Variants in DNAAF9 observed in about 807,000 individuals in gnomAD.
DNAAF9 encodes the protein shulin.
Under a neutral mutation model 167.0 loss-of-function variants are expected in DNAAF9, and 90 were observed. The observed-to-expected ratio is 0.54, with a 90% CI of 0.45 to 0.64. DNAAF9 has a LOEUF of 0.64. Among genes scored for constraint, DNAAF9 ranks in the 30% least tolerant of loss-of-function variants. DNAAF9 has a pLI of 0.00. For synonymous variants in DNAAF9, 491 were observed against 508.8 expected (o/e 0.96, Z 0.47); for missense variants, 1,315 against 1,442.2 (o/e 0.91, Z 1.43).
chr20:3,295,478 CT>C (rs33916484), intron 23 of DNAAF9: 9,630 of 245,406 alleles, frequency 0.039, 1 homozygote, highest in Middle Eastern at 0.085. Context: ...TGCGCCTGAC[CT>C]TTTTTTTTTT....
At chr20:3,324,111 G>A (rs2069668737) in intron 14 of DNAAF9, among the ~76,000 whole-genome samples, 1 of 152,292 alleles carries the variant, frequency 6.6e-6, no homozygotes, top group Non-Finnish European at 1.5e-5. Context: ...GCACCACAGA[G>A]TTCTGGCTCT....
At chr20:3,304,351 T>C (rs889410616) in intron 21 of DNAAF9, 89 bp downstream of exon 21, 36 of 743,172 alleles carry the variant, frequency 4.8e-5, no homozygotes, top group South Asian at 1.2e-4. Flanking sequence ...CCTGTGGTAG[T>C]GGAGGGGAGA....
chr20:3,340,456 C>CCCCCCCA, intron 10 of DNAAF9, 48 bp downstream of exon 10: 6 of 1,152,354 alleles, frequency 5.2e-6, no homozygotes, highest in Non-Finnish European at 5.9e-6. Context: ...CCCACCCCCA[C>CCCCCCCA]AACTTGATAA....
intron 1 of DNAAF9, among the ~76,000 whole-genome samples, chr20:3,392,355 C>T (rs1253332948): frequency 1.3e-5 from 2 of 152,140 alleles, no homozygotes; most frequent in African/African-American, 4.8e-5. Flanking sequence ...CATATTATAA[C>T]TTATTTCTTA....
chr20:3,377,110 G>A (rs958597137), intron 3 of DNAAF9, among the ~76,000 whole-genome samples: 1 of 152,148 alleles, frequency 6.6e-6, no homozygotes, highest in Admixed American at 6.6e-5. Context: ...GGAATCAACA[G>A]AATGTCTGGG....
intron 1 of DNAAF9, among the ~76,000 whole-genome samples, chr20:3,390,206 T>C (rs928115826): frequency 6.6e-6 from 1 of 152,158 alleles, no homozygotes; most frequent in African/African-American, 2.4e-5. Context: ...TAAGGAAATA[T>C]TTAGAAGTGA....
intron 20 of DNAAF9, among the ~76,000 whole-genome samples, chr20:3,310,819 A>T (rs914673798): frequency 6.6e-6 from 1 of 152,214 alleles, no homozygotes; most frequent in Admixed American, 6.5e-5. Flanking sequence ...GTTCACTAAT[A>T]ATAAGAGAAA....
rs1185017681 is a variant in DNAAF9 at position 3,252,645 on chromosome 20, T to G, written c.3461A>C (p.Asn1154Thr). 1 of 1,612,772 alleles carries G rather than the reference T, an allele frequency of 6.2e-7. No individual in the cohort carries two copies. Among genetic ancestry groups the G allele is most frequent in the East Asian group, 2.2e-5 (1 of 44,868 alleles). The change falls in exon 37 of 37, where the codon AAC becomes ACC. Residue 1154 changes from asparagine (N) to threonine (T), a missense_variant. By Grantham distance (65) the Asn-to-Thr change is moderately conservative. Transcript: ENST00000252032. ...CTGGTTATACTTCTCAATTTCCCGG[T>G]TGGCTTCTTCCACGTAGTCATTCAT... ...QFMNDYVEEA[N>T]REIEKYNQEL...
Position 3,255,880 on chromosome 20 carries a change from G to T in DNAAF9, c.3261+126C>A, listed in dbSNP as rs1040434265. ...CAAAGTGTCCCTGCAAGTGCTGGCT[G>T]GGCCAGGGAGAGGAAGCCCAGTGGG... On this transcript the variant is annotated intron_variant, in intron 34 of 36. Coordinates refer to ENST00000252032, the MANE Select transcript of DNAAF9 (RefSeq NM_001009984.3). 5 of 695,806 alleles carry T rather than the reference G, an allele frequency of 7.2e-6. 1 individual carries two copies. The highest frequency in any genetic ancestry group is 7.1e-5 in the South Asian group (4 of 56,340). 43.1% of individuals were successfully genotyped at this position (695,806 alleles called of 1,614,324 possible). A position where few individuals can be genotyped will look rare whatever the true frequency, so the allele number is the denominator to read the frequency against.
chr20:3,379,787 G>C (rs763151876), intron 3 of DNAAF9, among the ~76,000 whole-genome samples: 1 of 152,132 alleles, frequency 6.6e-6, no homozygotes. Context: ...CAGGCCAGGC[G>C]TGGTGGCTCA....
At chr20:3,271,908 C>T (rs756918318) in intron 29 of DNAAF9, among the ~76,000 whole-genome samples, 9 of 151,946 alleles carry the variant, frequency 5.9e-5, no homozygotes, top group African/African-American at 1.9e-4. Flanking sequence ...TGTGAGCCAC[C>T]GCACCCAGCT....
In DNAAF9 at chr20:3,252,456, A is replaced by T; in HGVS notation, c.*116T>A. The T allele has an allele frequency of 4.3e-6, 3 of 689,908 alleles. No individual in the cohort carries two copies. In the East Asian group the frequency reaches 7.6e-5, roughly 17 times the overall value. The allele number at this position is 689,908 out of a possible 1,614,324, so 42.7% of individuals were successfully genotyped here. On this transcript the variant is annotated 3_prime_UTR_variant, in exon 37 of 37. Transcript: ENST00000252032. Reference sequence around the variant, plus strand: ...GCACTCAAGCCAGCCCACACAGGCCAAGGAGAACAAAGACAGCCCCTTAAG... The same window carrying T: ...GCACTCAAGCCAGCCCACACAGGCCTAGGAGAACAAAGACAGCCCCTTAAG...
Position 3,320,724 on chromosome 20 carries a change from G to A in DNAAF9, c.1356+1493C>T, listed in dbSNP as rs539232488. Among the ~76,000 whole-genome samples the A allele has an allele frequency of 9.9e-5, 15 of 152,262 alleles. No individual in the cohort carries two copies. The South Asian group carries it at 2.7e-3, about 27-fold the overall frequency. The stretch of plus-strand genomic sequence containing the variant: ...ACCTTAAAAAAATTACCCTTGTTGT[G>A]CTATTCTCTGTAGATAGGTTAACAC... On this transcript the variant is annotated intron_variant, in intron 16 of 36. Transcript: ENST00000252032.
At chr20:3,392,675 G>A (rs1448037934) in intron 1 of DNAAF9, among the ~76,000 whole-genome samples, 1 of 152,014 alleles carries the variant, frequency 6.6e-6, no homozygotes, top group Admixed American at 6.5e-5. Context: ...TAACAACTGT[G>A]CATGAACAGC....
chr20:3,334,493 A>G (rs573737644), intron 10 of DNAAF9, among the ~76,000 whole-genome samples: 9 of 152,334 alleles, frequency 5.9e-5, no homozygotes, highest in African/African-American at 2.2e-4. Context: ...GTTGCTTCTA[A>G]GTTTTGGTAA....
At chr20:3,388,333 A>G (rs1185481974) in intron 1 of DNAAF9, among the ~76,000 whole-genome samples, 1 of 152,240 alleles carries the variant, frequency 6.6e-6, no homozygotes, top group Non-Finnish European at 1.5e-5. Context: ...TATGGAAAAC[A>G]GTATGGCAGT....
intron 20 of DNAAF9, among the ~76,000 whole-genome samples, chr20:3,307,708 G>T (rs1456941799): frequency 1.3e-5 from 2 of 152,102 alleles, no homozygotes; most frequent in Admixed American, 6.6e-5. Flanking sequence ...CAGTTTGGTT[G>T]TCTTTGATTG....
intron 20 of DNAAF9, among the ~76,000 whole-genome samples, chr20:3,307,976 A>AAAC (rs979557046): frequency 4.0e-5 from 6 of 151,050 alleles, no homozygotes; most frequent in African/African-American, 1.5e-4. Context: ...TTAAAAAAAA[A>AAAC]AAAAAAAAAA....
intron 34 of DNAAF9, 46 bp downstream of exon 34, chr20:3,255,960 T>C (rs778739034): frequency 1.4e-6 from 2 of 1,442,430 alleles, no homozygotes; most frequent in East Asian, 2.3e-5. Context: ...AGCTCTGAGG[T>C]GTCTGGTCAC....
Sources: allele counts gnomAD v4.1 joint callset (sites outside exome capture counted in the v4.1 genomes callset), GRCh38; gene constraint gnomAD v4.1.1; transcripts MANE v1.5; gene names NCBI Gene and HGNC (gene_info 2026-07-23, HGNC 2026-07-21).